PDZD2: variants seen among roughly 807,000 people sequenced by gnomAD.
PDZD2 encodes PDZ domain containing 2.
In PDZD2, 90 loss-of-function variants were observed where a neutral mutation model predicts 220.7. The ratio of observed to expected loss-of-function variants is 0.41; its 90% CI spans 0.34 to 0.49. PDZD2 has a LOEUF of 0.49. Ranked by LOEUF, PDZD2 falls within the 20% of genes least tolerant of loss-of-function variation. The pLI is 0.28. For missense variants in PDZD2, 3,174 were observed against 3,608.5 expected, an observed-to-expected ratio of 0.88 and a Z score of 3.08; for synonymous variants, 1,375 against 1,450.5, an observed-to-expected ratio of 0.95 and a Z score of 1.18.
intron 1 of PDZD2, among the ~76,000 whole-genome samples, chr5:31,750,462 A>G (rs1160354640): frequency 1.3e-5 from 2 of 152,200 alleles, no homozygotes; most frequent in Non-Finnish European, 2.9e-5. Flanking sequence ...CAAAACAAAC[A>G]GGAACCCTGT....
At chr5:31,897,939 C>T (rs1444249813) in intron 2 of PDZD2, among the ~76,000 whole-genome samples, 12 of 152,006 alleles carry the variant, frequency 7.9e-5, no homozygotes, top group Admixed American at 3.3e-4. Flanking sequence ...TGGGTTTCAC[C>T]GTGTTGGCCA....
At chr5:31,972,430 T>C (rs1749388711) in intron 2 of PDZD2, among the ~76,000 whole-genome samples, 1 of 151,512 alleles carries the variant, frequency 6.6e-6, no homozygotes. Context: ...GTGTTTTCTA[T>C]TTCTTGTAGC....
chr5:31,886,642 G>C (rs1341367341), intron 2 of PDZD2, among the ~76,000 whole-genome samples: 1 of 151,972 alleles, frequency 6.6e-6, no homozygotes, highest in Non-Finnish European at 1.5e-5. Context: ...CCCAGTGACT[G>C]TTACAGGTAG....
intron 1 of PDZD2, among the ~76,000 whole-genome samples, chr5:31,746,061 A>AACCAAGTATAGG: frequency 6.6e-6 from 1 of 151,994 alleles, no homozygotes; most frequent in African/African-American, 2.4e-5. Context: ...AGAACTGTGG[A>AACCAAGTATAGG]GCTCTAGCTG....
intron 1 of PDZD2, among the ~76,000 whole-genome samples, chr5:31,768,330 T>G (rs754624344): frequency 6.6e-6 from 1 of 152,040 alleles, no homozygotes; most frequent in South Asian, 2.1e-4. Context: ...TAGAGATAGA[T>G]GAGGCTTCAG....
intron 3 of PDZD2, among the ~76,000 whole-genome samples, chr5:31,986,041 C>G (rs1750686715): frequency 6.8e-6 from 1 of 146,392 alleles, no homozygotes. Flanking sequence ...CGCCATTGCA[C>G]TCCAGCTTGG....
chr5:32,103,597 C>T (rs1400828672), intron 24 of PDZD2: 1 of 152,260 alleles, frequency 6.6e-6, no homozygotes, highest in Non-Finnish European at 1.5e-5. Context: ...CACCTGAAAA[C>T]CCAGCACCCA....
chr5:31,871,232 C>T (rs1023678921), intron 2 of PDZD2, among the ~76,000 whole-genome samples: 10 of 152,064 alleles, frequency 6.6e-5, no homozygotes, highest in Admixed American at 2.6e-4. Context: ...AATATAGATT[C>T]TTTCATTCAC....
rs115390651 is a variant in PDZD2 at position 32,050,859 on chromosome 5, A to G, written c.1666-1752A>G. ...TAAAATAAATAAATAAGTATTATCT[A>G]GATTTGACCTCTCCAGTAAAACTTT... is the stretch of plus-strand genomic sequence containing the variant. On this transcript the variant is annotated intron_variant, in intron 8 of 24. Coordinates refer to ENST00000438447, the MANE Select transcript of PDZD2 (RefSeq NM_178140.4). Among the ~76,000 whole-genome samples, 553 of 152,286 alleles carry G rather than the reference A, an allele frequency of 3.6e-3. 4 individuals are homozygous for G. Among genetic ancestry groups the G allele is most frequent in the African/African-American group, 0.013 (534 of 41,546 alleles).
At chr5:32,029,564 G>A (rs1315752855) in intron 6 of PDZD2, among the ~76,000 whole-genome samples, 3 of 151,956 alleles carry the variant, frequency 2.0e-5, no homozygotes, top group African/African-American at 7.3e-5. Context: ...CAGGCTCGGG[G>A]GTGTGCACAT....
intron 2 of PDZD2, among the ~76,000 whole-genome samples, chr5:31,895,557 A>G (rs1367978475): frequency 6.6e-6 from 1 of 152,220 alleles, no homozygotes; most frequent in Non-Finnish European, 1.5e-5. Flanking sequence ...AGATGGAAGA[A>G]GATACCAAGA....
intron 1 of PDZD2, among the ~76,000 whole-genome samples, chr5:31,696,789 C>A (rs402520): frequency 2.6e-5 from 4 of 151,950 alleles, no homozygotes; most frequent in Non-Finnish European, 4.4e-5. Flanking sequence ...AACTCTAGGC[C>A]CTTCTCCCCT....
intron 24 of PDZD2, among the ~76,000 whole-genome samples, chr5:32,104,362 A>AT (rs1243352634): frequency 0.033 from 4,835 of 146,900 alleles, 159 homozygotes; most frequent in African/African-American, 0.087. Context: ...ATAATAAAGA[A>AT]TTTTTTTTTT....
At chr5:31,884,231 GCATACATA>G (rs368220223) in intron 2 of PDZD2, among the ~76,000 whole-genome samples, 4,991 of 150,680 alleles carry the variant, frequency 0.033, 112 homozygotes, top group Middle Eastern at 0.068. Context: ...CTGCATGCAT[GCATACATA>G]CATACATACA....
intron 1 of PDZD2, among the ~76,000 whole-genome samples, chr5:31,761,883 A>C (rs1751681246): frequency 6.7e-6 from 1 of 150,106 alleles, no homozygotes; most frequent in Admixed American, 6.7e-5. Flanking sequence ...AAAGAGGGTT[A>C]ATTGGCTCAC....
In PDZD2 at chr5:31,983,354, C is replaced by A. The variant is rs34239074; in HGVS notation, c.676C>A (p.Pro226Thr). The change falls in exon 3 of 25, where the codon CCT becomes ACT. Residue 226 changes from proline (P) to threonine (T), a missense_variant. Physicochemically the swap from Pro to Thr is conservative, Grantham distance 38 (BLOSUM62 -1). Coordinates refer to ENST00000438447, the MANE Select transcript of PDZD2 (RefSeq NM_178140.4). ...AAAGTTTGGGGTCATCTCCAGGCCT[C>A]CTGCCAACAAGGCCCCTGAAGAATC... is the stretch of plus-strand genomic sequence containing the variant. Reference protein sequence around the residue: ...TRKFGVISRPPANKAPEESKG... With the variant: ...TRKFGVISRPTANKAPEESKG... 9.4e-4 allele frequency: 1,511 copies of A among 1,614,178 alleles called. 15 individuals are homozygous for A. In the African/African-American group the frequency reaches 0.018, roughly 19 times the overall value.
intron 2 of PDZD2, among the ~76,000 whole-genome samples, chr5:31,925,657 A>C (rs1387374753): frequency 6.6e-6 from 1 of 152,154 alleles, no homozygotes; most frequent in Non-Finnish European, 1.5e-5. Flanking sequence ...AATTATCCAC[A>C]GAGTAAACAG....
intron 2 of PDZD2, among the ~76,000 whole-genome samples, chr5:31,916,861 C>T (rs1222772998): frequency 6.6e-6 from 1 of 152,102 alleles, no homozygotes; most frequent in Non-Finnish European, 1.5e-5. Context: ...GTGTGAGCCT[C>T]CTACCAGCAT....
intron 2 of PDZD2, among the ~76,000 whole-genome samples, chr5:31,840,205 C>G (rs1023166749): frequency 6.7e-6 from 1 of 149,360 alleles, no homozygotes; most frequent in Non-Finnish European, 1.5e-5. Context: ...CCAATGCACT[C>G]GAGCCTGGGT....
Sources: gnomAD v4.1 joint callset for allele counts (sites outside exome capture counted in the v4.1 genomes callset) on GRCh38, gnomAD v4.1.1 for gene constraint, MANE v1.5 for transcripts, NCBI Gene and HGNC (gene_info 2026-07-23, HGNC 2026-07-21) for gene names.